The following AIFM2 variants were observed in gnomAD, a reference collection of about 807,000 sequenced individuals.
The protein encoded by AIFM2 is AIF family member 2, ferroptosis suppressor.
A neutral mutation model predicts 35.7 loss-of-function variants in AIFM2; 38 were observed. That is an observed-to-expected ratio of 1.06 (90% CI 0.82 to 1.39). AIFM2 has a LOEUF of 1.39. Among genes scored for constraint, AIFM2 ranks in the 40% most tolerant of loss-of-function variants. AIFM2 has a pLI of 0.00. For synonymous variants in AIFM2, 185 were observed against 203.5 expected, an observed-to-expected ratio of 0.91 and a Z score of 0.77; for missense variants, 476 against 491.2, an observed-to-expected ratio of 0.97 and a Z score of 0.29.
chr10:70,123,614 C>G (rs1224303603), intron 2 of AIFM2, 94 bp from the exon 3 acceptor site: 2 of 1,166,330 alleles, frequency 1.7e-6, no homozygotes, highest in Admixed American at 3.8e-5. Context: ...TGCAAACCAA[C>G]AGGGGTGCCC....
intron 5 of AIFM2, chr10:70,118,223 T>C (rs1485249435): frequency 3.3e-6 from 1 of 302,592 alleles, no homozygotes; most frequent in East Asian, 8.8e-5. Flanking sequence ...TCAAGCATCC[T>C]TGGGCACTTA....
chr10:70,119,220 ATCCTTCG>A (rs1196011477), intron 5 of AIFM2, among the ~76,000 whole-genome samples: 3 of 152,212 alleles, frequency 2.0e-5, no homozygotes, highest in East Asian at 3.8e-4. Context: ...CCTTTAAAAC[ATCCTTCG>A]TCATAAATCA....
intron 8 of AIFM2, 107 bp downstream of exon 8, chr10:70,114,813 C>T (rs16927320): frequency 0.051 from 67,892 of 1,329,946 alleles, 2,526 homozygotes; most frequent in African/African-American, 0.17. Context: ...CCATCACCAG[C>T]TTGGAGAGTT....
rs1589845045 is a variant in AIFM2 at position 70,114,819 on chromosome 10, G to C, written c.970+101C>G. On this transcript the variant is annotated intron_variant, in intron 8 of 8. Transcript: ENST00000307864. ...GGGATGTTTCCATCACCAGCTTGGA[G>C]AGTTTGTTCTAGTGGCCAGGTATGG... 2.1e-5 allele frequency: 29 copies of C among 1,359,212 alleles called. No individual in the cohort carries two copies. The East Asian group carries it at 7.0e-4, about 33-fold the overall frequency. 84.2% of individuals were successfully genotyped at this position (1,359,212 alleles called of 1,614,324 possible).
Position 70,114,228 on chromosome 10 carries a change from C to T in AIFM2, c.1072G>A (p.Asp358Asn), listed in dbSNP as rs924944848. The change falls in exon 9 of 9, where the codon GAC becomes AAC. Residue 358 changes from aspartate (D) to asparagine (N), a missense_variant. Physicochemically the swap from Asp to Asn is conservative, Grantham distance 23. Transcript: ENST00000307864. ...RLMVRLTKSRDLFVSTSWKTM... is the reference protein window; with the variant it reads ...RLMVRLTKSRNLFVSTSWKTM... ...TTCCAGCTCGTAGAGACGAACAGGTCCCGGCTCTTGGTCAGCCGAACCATG... is the reference window on the plus strand; with the variant it reads ...TTCCAGCTCGTAGAGACGAACAGGTTCCGGCTCTTGGTCAGCCGAACCATG... 2.5e-5 allele frequency: 40 copies of T among 1,613,832 alleles called. No homozygotes were observed. Among genetic ancestry groups the T allele is most frequent in the Non-Finnish European group, 3.3e-5 (39 of 1,180,018 alleles).
Position 70,117,705 on chromosome 10 carries a change from C to A in AIFM2, c.616+107G>T. The A allele has an allele frequency of 1.2e-6, 1 of 855,218 alleles. No individual in the cohort carries two copies. The allele number at this position is 855,218 out of a possible 1,614,324, so 53.0% of individuals were successfully genotyped here. On this transcript the variant is annotated intron_variant, in intron 6 of 8. Coordinates refer to ENST00000307864, the MANE Select transcript of AIFM2 (RefSeq NM_032797.6). The surrounding 1 kb of genome is among the most constrained non-coding windows in gnomAD (Gnocchi z 4.7). ...CCAGGACACAGTGGAAAAGAGAGAG[C>A]CTGGGGTGGACCATAGCCACCCTCC...
At position 70,123,426 on chromosome 10, in the gene AIFM2, C is replaced by T. The variant is rs1251357809; in HGVS notation, c.273G>A (p.Met91Ile). Residue 91 changes from methionine to isoleucine, a missense_variant, in exon 3 of 9, where the codon ATG becomes ATA. Met to Ile is a conservative substitution (Grantham distance 10). Transcript: ENST00000307864. ...TCACCTCGCCACCCTGCAGCAGCAC[C>T]ATCTGGTTCTTCAGGTCTATCCCCA... ...LVVGIDLKNQ[M>I]VLLQGGEALP... is the part of the protein sequence containing the mutation. 1 of 1,614,156 alleles carries T rather than the reference C, an allele frequency of 6.2e-7. No individual in the cohort carries two copies. Among genetic ancestry groups the T allele is most frequent in the South Asian group, 1.1e-5 (1 of 91,076 alleles).
chr10:70,125,180 G>A (rs1190650608), intron 1 of AIFM2, among the ~76,000 whole-genome samples: 2 of 152,074 alleles, frequency 1.3e-5, no homozygotes, highest in Non-Finnish European at 2.9e-5. Flanking sequence ...TACCTAGTCT[G>A]TAGTATTCTG....
At chr10:70,123,301 G>C in intron 3 of AIFM2, 104 bp downstream of exon 3, 1 of 988,916 alleles carries the variant, frequency 1.0e-6, no homozygotes. Context: ...TTACAGGTGT[G>C]AGCCACCGCC....
In AIFM2 at chr10:70,123,457, A is replaced by G. The variant is rs889887422; in HGVS notation, c.242T>C (p.Leu81Pro). The change falls in exon 3 of 9, where the codon CTA becomes CCA. Residue 81 changes from leucine to proline, a missense_variant. Coordinates refer to ENST00000307864, the MANE Select transcript of AIFM2 (RefSeq NM_032797.6). The stretch of plus-strand genomic sequence containing the variant: ...GTTCTTCAGGTCTATCCCCACTACT[A>G]GCCCCTGCCGGAAGTTGTCCTTGAA... The part of the protein sequence containing the change: ...VTFKDNFRQG[L>P]VVGIDLKNQM... 1.2e-6 allele frequency: 2 copies of G among 1,613,998 alleles called. No homozygotes were observed. The highest frequency in any genetic ancestry group is 1.7e-6 in the Non-Finnish European group (2 of 1,180,002).
intron 5 of AIFM2, 135 bp from the exon 6 acceptor site, chr10:70,118,055 C>T: frequency 1.5e-6 from 1 of 660,190 alleles, no homozygotes; most frequent in Non-Finnish European, 2.6e-6. Flanking sequence ...AGTAATCTGT[C>T]CAATGCCAGG....
Position 70,125,732 on chromosome 10 carries a change from A to T in AIFM2, c.-13-1635T>A, listed in dbSNP as rs570611453. On this transcript the variant is annotated intron_variant, in intron 1 of 8. Transcript: ENST00000307864. The stretch of plus-strand genomic sequence containing the variant: ...GTGATCCTCCCACCTCAACCTCCCA[A>T]AGTGCTGGGATTACAGGCATGAACC... Among the ~76,000 whole-genome samples, 46 of 152,236 alleles carry T rather than the reference A, an allele frequency of 3.0e-4. 2 individuals carry two copies. The South Asian group carries it at 9.3e-3, about 31-fold the overall frequency.
rs2072396902 is a variant in AIFM2 at position 70,113,149 on chromosome 10, C to T, written c.*1029G>A. ...CCTGCTAGCCGTGTAAAAATGCACT[C>T]TGTCAGGGTGGGGTAACCAGAAGAG... On this transcript the variant is annotated 3_prime_UTR_variant, in exon 9 of 9. Coordinates refer to ENST00000307864, the MANE Select transcript of AIFM2 (RefSeq NM_032797.6). 1 of 152,232 alleles carries T rather than the reference C, an allele frequency of 6.6e-6. No individual in the cohort carries two copies. The highest frequency in any genetic ancestry group is 2.1e-4 in the South Asian group (1 of 4,832). 9.4% of individuals were successfully genotyped at this position (152,232 alleles called of 1,614,324 possible). A position where few individuals can be genotyped will look rare whatever the true frequency, so the allele number is the denominator to read the frequency against.
intron 3 of AIFM2, 87 bp from the exon 4 acceptor site, chr10:70,121,298 A>C: frequency 7.1e-7 from 1 of 1,400,060 alleles, no homozygotes; most frequent in Non-Finnish European, 9.2e-7. Context: ...TCTGCATCCT[A>C]CTCCCGGCCT....
At chr10:70,119,638 T>C (rs2072476055) in intron 5 of AIFM2, among the ~76,000 whole-genome samples, 1 of 152,208 alleles carries the variant, frequency 6.6e-6, no homozygotes, top group Non-Finnish European at 1.5e-5. Flanking sequence ...CTCATCATAA[T>C]TTCCAACAAT....
rs117957643 is a variant in AIFM2, at chr10:70,124,823, C to T, written c.-13-726G>A. Among the ~76,000 whole-genome samples, 1,059 of 152,236 alleles carry T rather than the reference C, an allele frequency of 7.0e-3. 5 individuals are homozygous for T. The highest frequency in any genetic ancestry group is 0.019 in the South Asian group (90 of 4,816). On this transcript the variant is annotated intron_variant, in intron 1 of 8. Transcript: ENST00000307864. ...AGATTCAGCCCAGCTCACAGGTCAC[C>T]AACTTAAGGTCCAGGTCTAAGGAGG...
chr10:70,120,418 C>T, intron 5 of AIFM2, 89 bp downstream of exon 5: 1 of 1,346,028 alleles, frequency 7.4e-7, no homozygotes. Flanking sequence ...CTCCAGACTT[C>T]TCTGCCCTGA....
chr10:70,117,282 C>T lies in AIFM2; in HGVS notation c.617-508G>A, dbSNP rs898850991. The stretch of plus-strand genomic sequence containing the variant: ...TCACAGGACAGGTGCCTCACCCTCC[C>T]GCAAACAGTGAGGGGGCTGGGGCCC... On this transcript the variant is annotated intron_variant, in intron 6 of 8. Transcript: ENST00000307864. The surrounding 1 kb of genome is among the most constrained non-coding windows in gnomAD (Gnocchi z 4.7). Among the ~76,000 whole-genome samples, 7 of 152,336 alleles carry T rather than the reference C, an allele frequency of 4.6e-5. No individual in the cohort carries two copies. The highest frequency in any genetic ancestry group is 8.8e-5 in the Non-Finnish European group (6 of 68,024).
chr10:70,126,309 C>T (rs1196715741), intron 1 of AIFM2, among the ~76,000 whole-genome samples: 3 of 152,224 alleles, frequency 2.0e-5, no homozygotes, highest in Non-Finnish European at 4.4e-5. Context: ...TCACACTATA[C>T]AGAAAGCAGC....
Sources: allele counts gnomAD v4.1 joint callset (sites outside exome capture counted in the v4.1 genomes callset), GRCh38; gene constraint gnomAD v4.1.1; non-coding constraint Gnocchi (gnomAD v3.1); transcripts MANE v1.5; gene names NCBI Gene and HGNC (gene_info 2026-07-23, HGNC 2026-07-21).